STAM: variants seen among roughly 807,000 people sequenced by gnomAD.
STAM encodes signal transducing adapter molecule 1.
A neutral mutation model predicts 63.4 loss-of-function variants in STAM; 16 were observed. That is an observed-to-expected ratio of 0.25 (90% CI 0.17 to 0.38). The LOEUF (loss-of-function observed/expected upper bound fraction) is 0.38, where lower values mean the gene tolerates loss of function less well. STAM is among the 10% of genes least tolerant of loss of function. The probability of loss-of-function intolerance (pLI) is 1.00; values close to 1 mark genes in which losing one functional copy is unlikely to be tolerated. For missense variants in STAM, 636 were observed against 657.1 expected, an observed-to-expected ratio of 0.97 and a Z score of 0.35; for synonymous variants, 238 against 223.9, an observed-to-expected ratio of 1.06 and a Z score of -0.56.
intron 1 of STAM, among the ~76,000 whole-genome samples, chr10:17,659,140 A>C (rs1834060970): frequency 6.6e-6 from 1 of 151,634 alleles, no homozygotes; most frequent in East Asian, 1.9e-4. Context: ...ATTGCCTAAG[A>C]GTTTTCAAGA....
chr10:17,713,312 C>T (rs1836644905), intron 13 of STAM, among the ~76,000 whole-genome samples: 1 of 152,286 alleles, frequency 6.6e-6, no homozygotes. Flanking sequence ...TTCTGAATGC[C>T]GTGGATCTGC....
At chr10:17,711,072 G>A (rs1836532531) in intron 13 of STAM, among the ~76,000 whole-genome samples, 1 of 152,248 alleles carries the variant, frequency 6.6e-6, no homozygotes, top group African/African-American at 2.4e-5. Flanking sequence ...TATTTGACTC[G>A]AGCTTTCTAG....
chr10:17,672,925 G>A (rs782568722), intron 2 of STAM: 1 of 546,958 alleles, frequency 1.8e-6, no homozygotes, highest in Admixed American at 6.4e-5. Flanking sequence ...TCCTTTCCCT[G>A]TTCTTTGTCC....
chr10:17,701,688 C>T (rs1424718554), intron 9 of STAM, among the ~76,000 whole-genome samples: 1 of 152,176 alleles, frequency 6.6e-6, no homozygotes, highest in Admixed American at 6.5e-5. Context: ...AATTGATCTG[C>T]CCGAGAACAT....
chr10:17,674,309 C>T (rs1329998046), intron 2 of STAM, among the ~76,000 whole-genome samples: 2 of 152,150 alleles, frequency 1.3e-5, no homozygotes, highest in Admixed American at 1.3e-4. Context: ...TAACACTTAG[C>T]TTAAAAGAGC....
At chr10:17,692,227 C>G (rs1436098272) in intron 5 of STAM, among the ~76,000 whole-genome samples, 2 of 152,192 alleles carry the variant, frequency 1.3e-5, no homozygotes, top group Admixed American at 1.3e-4. Context: ...CCACAACTTA[C>G]ATTCTTAACC....
chr10:17,674,924 A>ACACT (rs144997868), intron 2 of STAM, among the ~76,000 whole-genome samples: 1 of 152,244 alleles, frequency 6.6e-6, no homozygotes, highest in Non-Finnish European at 1.5e-5. Context: ...GATACTTGAG[A>ACACT]CACTCAATCC....
chr10:17,689,840 G>T (rs782252000), intron 5 of STAM, among the ~76,000 whole-genome samples: 1 of 152,134 alleles, frequency 6.6e-6, no homozygotes, highest in South Asian at 2.1e-4. Context: ...CAGACCTATG[G>T]GTTCATTATC....
chr10:17,673,027 G>A, intron 2 of STAM: 25 of 985,248 alleles, frequency 2.5e-5, no homozygotes, highest in Non-Finnish European at 3.0e-5. Flanking sequence ...ACCAAAATGG[G>A]GTTTTAAGAA....
At position 17,714,903 on chromosome 10, in the gene STAM, C is replaced by G; in HGVS notation, c.*123C>G. The G allele has an allele frequency of 1.1e-6, 1 of 943,676 alleles. No homozygotes were observed. 58.5% of individuals were successfully genotyped at this position (943,676 alleles called of 1,614,324 possible). A position where few individuals can be genotyped will look rare whatever the true frequency, so the allele number is the denominator to read the frequency against. ...AGGAATCTCTCCAGGTCAACAGGTT[C>G]AAATATTCAAGAAGGTAGAACTCTC... On this transcript the variant is annotated 3_prime_UTR_variant, in exon 14 of 14. Transcript: ENST00000377524.
At chr10:17,682,037 C>T (rs1221845813) in intron 2 of STAM, among the ~76,000 whole-genome samples, 2 of 152,146 alleles carry the variant, frequency 1.3e-5, no homozygotes, top group Non-Finnish European at 2.9e-5. Flanking sequence ...GATTTATCTA[C>T]AACAAAGAGC....
At chr10:17,653,446 C>T (rs1372971121) in intron 1 of STAM, among the ~76,000 whole-genome samples, 1 of 152,138 alleles carries the variant, frequency 6.6e-6, no homozygotes, top group African/African-American at 2.4e-5. Context: ...AGGTGATACA[C>T]ATTGTGGTGA....
intron 2 of STAM, among the ~76,000 whole-genome samples, chr10:17,683,239 C>T (rs72782512): frequency 0.12 from 18,721 of 152,150 alleles, 1,547 homozygotes; most frequent in Non-Finnish European, 0.18. Flanking sequence ...TCACAGCTCA[C>T]TGCATCCTCG....
At chr10:17,705,061 CT>C (rs782294189) in intron 11 of STAM, 37 bp downstream of exon 11, 7 of 1,583,122 alleles carry the variant, frequency 4.4e-6, no homozygotes, top group Non-Finnish European at 4.3e-6. Context: ...TGTGTACCTT[CT>C]TTCCTGAAGC....
chr10:17,651,765 A>G (rs1371170003), intron 1 of STAM, among the ~76,000 whole-genome samples: 3 of 152,230 alleles, frequency 2.0e-5, no homozygotes, highest in Non-Finnish European at 4.4e-5. Flanking sequence ...CAAAGAGGAT[A>G]ATTTCTTTCA....
intron 1 of STAM, among the ~76,000 whole-genome samples, chr10:17,654,793 G>A (rs2244877): frequency 0.076 from 11,573 of 152,142 alleles, 523 homozygotes; most frequent in Admixed American, 0.12. Flanking sequence ...TTTCAAAAAA[G>A]TCTAGGTCTT....
At chr10:17,710,539 T>G (rs1836510270) in intron 13 of STAM, among the ~76,000 whole-genome samples, 1 of 152,246 alleles carries the variant, frequency 6.6e-6, no homozygotes, top group Non-Finnish European at 1.5e-5. Flanking sequence ...AGTTGTTAGC[T>G]TAGCTGCATT....
rs1409180149 is a variant in STAM, at chr10:17,705,757, C to G, written c.1209+16C>G. 2 of 1,604,688 alleles carry G rather than the reference C, an allele frequency of 1.2e-6. No individual in the cohort carries two copies. Among genetic ancestry groups the G allele is most frequent in the African/African-American group, 1.3e-5 (1 of 74,310 alleles). ...TGGTTCTCAGGTAAGCTTTTAGAAGCCCATGTTGTTTTAAATTCTCAAATG... is the reference window on the plus strand; with the variant it reads ...TGGTTCTCAGGTAAGCTTTTAGAAGGCCATGTTGTTTTAAATTCTCAAATG... On this transcript the variant is annotated intron_variant, in intron 12 of 13. Coordinates refer to ENST00000377524, the MANE Select transcript of STAM (RefSeq NM_003473.4).
chr10:17,676,486 G>A (rs1834862124), intron 2 of STAM, among the ~76,000 whole-genome samples: 1 of 152,150 alleles, frequency 6.6e-6, no homozygotes, highest in South Asian at 2.1e-4. Context: ...TGTCTGGTCT[G>A]TGATTTGAGA....
Sources: allele counts gnomAD v4.1 joint callset (sites outside exome capture counted in the v4.1 genomes callset), GRCh38; gene constraint gnomAD v4.1.1; transcripts MANE v1.5; gene names NCBI Gene and HGNC (gene_info 2026-07-23, HGNC 2026-07-21).